Variants in CRB1 observed in about 807,000 individuals in gnomAD.
CRB1 encodes crumbs cell polarity complex component 1.
CRB1 carries 83 observed loss-of-function variants against 120.0 expected under a neutral mutation model. That is an observed-to-expected ratio of 0.69 (90% CI 0.58 to 0.83). The LOEUF is 0.83. Ranked by LOEUF, CRB1 falls within the 40% of genes least tolerant of loss-of-function variation. CRB1 has a pLI of 0.00. For synonymous variants in CRB1, 625 were observed against 612.5 expected, an observed-to-expected ratio of 1.02 and a Z score of -0.30; for missense variants, 1,699 against 1,687.6, an observed-to-expected ratio of 1.01 and a Z score of -0.12.
chr1:197,222,191 T>TTGCCC, the CRB1 span: 1 of 435,708 alleles, frequency 2.3e-6, no homozygotes, highest in Non-Finnish European at 4.3e-6. Flanking sequence ...CCGCTCCTTG[T>TTGCCC]TGCCCTGCAC....
intron 1 of CRB1, among the ~76,000 whole-genome samples, chr1:197,296,533 G>A (rs545988649): frequency 2.4e-4 from 36 of 152,154 alleles, no homozygotes; most frequent in Middle Eastern, 3.4e-3. Context: ...CAGGTAAGAA[G>A]AGAGTGATAG....
chr1:197,345,978 A>G (rs1031449569), intron 3 of CRB1, among the ~76,000 whole-genome samples: 2 of 152,200 alleles, frequency 1.3e-5, no homozygotes, highest in Non-Finnish European at 2.9e-5. Flanking sequence ...ACAGGTCACA[A>G]TGGAAGTTTC....
At chr1:197,326,455 C>A (rs1325747433) in intron 1 of CRB1, among the ~76,000 whole-genome samples, 1 of 151,788 alleles carries the variant, frequency 6.6e-6, no homozygotes, top group Non-Finnish European at 1.5e-5. Flanking sequence ...CATGGTGAAA[C>A]CCCCATCTCT....
At position 197,341,049 on chromosome 1, in the gene CRB1, C is replaced by T. The variant is rs148460589; in HGVS notation, c.653-3232C>T. ...AATAAAACCATCAGATCTTGTGAGA[C>T]TTATTCACTATCACAAGAACAGCAC... is the stretch of plus-strand genomic sequence containing the variant. On this transcript the variant is annotated intron_variant, in intron 2 of 11. Coordinates refer to ENST00000367400, the MANE Select transcript of CRB1 (RefSeq NM_201253.3). Among the ~76,000 whole-genome samples, 1,031 of 152,210 alleles carry T rather than the reference C, an allele frequency of 6.8e-3. 6 individuals carry two copies. Among genetic ancestry groups the T allele is most frequent in the African/African-American group, 0.023 (973 of 41,534 alleles).
the CRB1 span, among the ~76,000 whole-genome samples, chr1:197,240,399 G>A: frequency 5.3e-5 from 8 of 152,170 alleles, no homozygotes; most frequent in South Asian, 2.1e-4. Flanking sequence ...CCTGGTGTGC[G>A]ATGTTCCCCT....
At chr1:197,260,441 T>C in the CRB1 span, among the ~76,000 whole-genome samples, 2 of 151,870 alleles carry the variant, frequency 1.3e-5, no homozygotes, top group African/African-American at 4.8e-5. Flanking sequence ...AATTTTAATA[T>C]ATGTATTTTA....
chr1:197,428,065 T>C, intron 7 of CRB1, 64 bp downstream of exon 7: 1 of 1,449,760 alleles, frequency 6.9e-7, no homozygotes, highest in African/African-American at 1.4e-5. Flanking sequence ...ATTAAAAAGA[T>C]AACTTATTAA....
chr1:197,410,641 T>G (rs1038569520), intron 5 of CRB1, among the ~76,000 whole-genome samples: 1 of 152,254 alleles, frequency 6.6e-6, no homozygotes, highest in African/African-American at 2.4e-5. Context: ...GACAAAATTA[T>G]GAATTTATGA....
rs1664774080 is a variant in CRB1 at position 197,429,575 on chromosome 1, C to T, written c.2803C>T (p.His935Tyr). Residue 935 changes from histidine to tyrosine, a missense_variant, in exon 8 of 12, where the codon CAC becomes TAC. Physicochemically the swap from His to Tyr is moderately conservative, Grantham distance 83 (BLOSUM62 2). Transcript: ENST00000367400. Reference sequence around the variant, plus strand: ...GTGGTGTGGATTCAGCCCGTGTCCTCACGGAGCCCAGTGCCAGCCGGTGCT... The same window carrying T: ...GTGGTGTGGATTCAGCCCGTGTCCTTACGGAGCCCAGTGCCAGCCGGTGCT... Reference protein sequence around the residue: ...VQWCGFSPCPHGAQCQPVLQG... With the variant: ...VQWCGFSPCPYGAQCQPVLQG... The T allele has an allele frequency of 6.2e-7, 1 of 1,613,864 alleles. No homozygotes were observed. Among genetic ancestry groups the T allele is most frequent in the Admixed American group, 1.7e-5 (1 of 59,980 alleles).
chr1:197,389,742 G>T (rs1301589322), intron 5 of CRB1, among the ~76,000 whole-genome samples: 1 of 152,058 alleles, frequency 6.6e-6, no homozygotes, highest in Non-Finnish European at 1.5e-5. Flanking sequence ...ATTGGTTTCA[G>T]TTCATCAATA....
intron 5 of CRB1, among the ~76,000 whole-genome samples, chr1:197,420,151 A>G (rs1470068298): frequency 1.3e-5 from 2 of 152,196 alleles, no homozygotes; most frequent in Non-Finnish European, 1.5e-5. Context: ...CACAAATATA[A>G]TAATTTGAAT....
chr1:197,332,692 G>C (rs1204647811), intron 2 of CRB1, among the ~76,000 whole-genome samples: 2 of 152,184 alleles, frequency 1.3e-5, no homozygotes, highest in Non-Finnish European at 2.9e-5. Flanking sequence ...GAGGTGCTCA[G>C]ACTCTACTTC....
At chr1:197,433,542 T>A (rs978143158) in intron 8 of CRB1, among the ~76,000 whole-genome samples, 3 of 151,816 alleles carry the variant, frequency 2.0e-5, no homozygotes, top group Non-Finnish European at 4.4e-5. Flanking sequence ...AAATGAGGAA[T>A]AATAGAGTGA....
chr1:197,253,422 C>A, the CRB1 span, among the ~76,000 whole-genome samples: 1 of 152,112 alleles, frequency 6.6e-6, no homozygotes, highest in Non-Finnish European at 1.5e-5. Context: ...CATTTTTTAA[C>A]ACAGTGTATC....
intron 5 of CRB1, among the ~76,000 whole-genome samples, chr1:197,397,088 T>G (rs1201679708): frequency 6.6e-6 from 1 of 152,008 alleles, no homozygotes; most frequent in Non-Finnish European, 1.5e-5. Context: ...CTCTCAAAAC[T>G]CAAGAATGTA....
chr1:197,476,142 T>C (rs1204659322), intron 11 of CRB1, among the ~76,000 whole-genome samples: 12 of 152,088 alleles, frequency 7.9e-5, no homozygotes, highest in Non-Finnish European at 1.5e-4. Context: ...ACTCCTGACC[T>C]CAGGTGATCT....
At chr1:197,446,035 C>A (rs1665681898) in intron 11 of CRB1, among the ~76,000 whole-genome samples, 1 of 151,910 alleles carries the variant, frequency 6.6e-6, no homozygotes, top group Non-Finnish European at 1.5e-5. Context: ...ACTAAAAATA[C>A]AAAAATTAGC....
At chr1:197,366,701 C>G (rs1252536079) in intron 5 of CRB1, among the ~76,000 whole-genome samples, 1 of 152,140 alleles carries the variant, frequency 6.6e-6, no homozygotes, top group Non-Finnish European at 1.5e-5. Flanking sequence ...TGAGAGGAAT[C>G]AAGACCCCCT....
At chr1:197,375,589 A>G (rs1661601708) in intron 5 of CRB1, among the ~76,000 whole-genome samples, 1 of 152,036 alleles carries the variant, frequency 6.6e-6, no homozygotes. Context: ...ACACCTACCT[A>G]TCTATCTGTC....
Sources: allele counts gnomAD v4.1 joint callset (sites outside exome capture counted in the v4.1 genomes callset), GRCh38; gene constraint gnomAD v4.1.1; transcripts MANE v1.5; gene names NCBI Gene and HGNC (gene_info 2026-07-23, HGNC 2026-07-21).